GNAQ: variants seen among roughly 807,000 people sequenced by gnomAD.
The protein encoded by GNAQ is guanine nucleotide-binding protein G(q) subunit alpha.
Under a neutral mutation model 43.9 loss-of-function variants are expected in GNAQ, and 8 were observed. That is an observed-to-expected ratio of 0.18 (90% CI 0.11 to 0.33). The LOEUF (loss-of-function observed/expected upper bound fraction) is 0.33, where lower values mean the gene tolerates loss of function less well. Ranked by LOEUF, GNAQ falls within the 10% of genes least tolerant of loss-of-function variation. The pLI, the probability that GNAQ is intolerant of heterozygous loss-of-function variation, is 1.00. For missense variants in GNAQ, 158 were observed against 450.8 expected (o/e 0.35, Z 5.88); for synonymous variants, 155 against 170.7 (o/e 0.91, Z 0.71).
chr9:77,891,234 T>C (rs1828400019), intron 2 of GNAQ, among the ~76,000 whole-genome samples: 1 of 152,210 alleles, frequency 6.6e-6, no homozygotes, highest in Admixed American at 6.5e-5. Context: ...ATTCTTTTTC[T>C]TGCCTATTCT....
intron 2 of GNAQ, among the ~76,000 whole-genome samples, chr9:77,830,566 G>A (rs559316177): frequency 1.3e-5 from 2 of 152,182 alleles, no homozygotes; most frequent in Admixed American, 6.5e-5. Flanking sequence ...TTAAAAACAC[G>A]TTTTTCTTTT....
intron 3 of GNAQ, among the ~76,000 whole-genome samples, chr9:77,807,338 C>T (rs1191371949): frequency 1.3e-5 from 2 of 152,188 alleles, no homozygotes; most frequent in African/African-American, 4.8e-5. Flanking sequence ...TTACAAAAGA[C>T]TGTCACTCCT....
chr9:77,929,422 A>C (rs1829115553), intron 1 of GNAQ, among the ~76,000 whole-genome samples: 1 of 152,230 alleles, frequency 6.6e-6, no homozygotes, highest in Admixed American at 6.5e-5. Context: ...TCTATTAATA[A>C]AACTTACAAA....
intron 2 of GNAQ, among the ~76,000 whole-genome samples, chr9:77,825,949 A>G (rs1237453332): frequency 6.6e-6 from 1 of 152,100 alleles, no homozygotes. Context: ...AAAATTTTAT[A>G]AAGGGGTCAA....
chr9:77,873,923 C>T (rs544530244), intron 2 of GNAQ, among the ~76,000 whole-genome samples: 6 of 151,938 alleles, frequency 3.9e-5, no homozygotes, highest in Admixed American at 2.6e-4. Flanking sequence ...CTGGCCAACA[C>T]GGAGAAATCC....
intron 1 of GNAQ, among the ~76,000 whole-genome samples, chr9:77,925,362 C>T (rs1357345837): frequency 6.6e-6 from 1 of 152,192 alleles, no homozygotes; most frequent in Non-Finnish European, 1.5e-5. Flanking sequence ...TCATGACACA[C>T]TTCTGGAAGC....
At chr9:78,017,420 A>T (rs1036842279) in intron 1 of GNAQ, among the ~76,000 whole-genome samples, 4 of 152,226 alleles carry the variant, frequency 2.6e-5, no homozygotes, top group Non-Finnish European at 4.4e-5. Context: ...ATGGCAAGAC[A>T]TCCTACATAT....
At position 77,986,727 on chromosome 9, in the gene GNAQ, G is replaced by A. The variant is rs189322408; in HGVS notation, c.136+44373C>T. 1.3e-4 allele frequency among the ~76,000 whole-genome samples: 20 copies of A among 150,354 alleles called. No homozygotes were observed. In the East Asian group the frequency reaches 2.9e-3, roughly 22 times the overall value. The stretch of plus-strand genomic sequence containing the variant: ...TCACTATGTTGCCCAAGCTAGTCTC[G>A]AACTCCTGGGCTCAATCTTCTCACC... On this transcript the variant is annotated intron_variant, in intron 1 of 6. Coordinates refer to ENST00000286548, the MANE Select transcript of GNAQ (RefSeq NM_002072.5).
intron 3 of GNAQ, among the ~76,000 whole-genome samples, chr9:77,807,177 G>A (rs1826842160): frequency 1.3e-5 from 2 of 152,176 alleles, no homozygotes. Flanking sequence ...AAGAATACCA[G>A]AGTCAGCAAG....
intron 5 of GNAQ, among the ~76,000 whole-genome samples, chr9:77,768,432 C>T (rs981441972): frequency 2.6e-5 from 4 of 152,194 alleles, no homozygotes; most frequent in Non-Finnish European, 1.5e-5. Flanking sequence ...ATATTCAACT[C>T]AGAGACAGGA....
At chr9:77,949,384 G>C (rs1341362901) in intron 1 of GNAQ, among the ~76,000 whole-genome samples, 4 of 152,180 alleles carry the variant, frequency 2.6e-5, no homozygotes, top group Admixed American at 2.6e-4. Flanking sequence ...TTCCACAATG[G>C]GAACCAAAGC....
At chr9:77,892,308 C>T (rs893154901) in intron 2 of GNAQ, among the ~76,000 whole-genome samples, 5 of 152,192 alleles carry the variant, frequency 3.3e-5, no homozygotes, top group African/African-American at 9.6e-5. Flanking sequence ...TTCACAAGTA[C>T]CTTCTATCAC....
chr9:78,029,371 TTA>T (rs1385066470), intron 1 of GNAQ, among the ~76,000 whole-genome samples: 3 of 78,300 alleles, frequency 3.8e-5, no homozygotes, highest in Non-Finnish European at 8.4e-5. Flanking sequence ...TAAAACACTC[TTA>T]TTTCTTTTGT....
chr9:78,020,175 G>C (rs773435553), intron 1 of GNAQ, among the ~76,000 whole-genome samples: 1 of 152,084 alleles, frequency 6.6e-6, no homozygotes, highest in African/African-American at 2.4e-5. Flanking sequence ...GTGGGAAACT[G>C]AGAGCCATTT....
chr9:77,985,270 G>C (rs950513656), intron 1 of GNAQ, among the ~76,000 whole-genome samples: 1 of 152,250 alleles, frequency 6.6e-6, no homozygotes, highest in Non-Finnish European at 1.5e-5. Flanking sequence ...CTGAGATCTC[G>C]CCACTGCACT....
intron 1 of GNAQ, among the ~76,000 whole-genome samples, chr9:77,977,674 G>A (rs1458455595): frequency 6.6e-6 from 1 of 152,222 alleles, no homozygotes; most frequent in Non-Finnish European, 1.5e-5. Context: ...CAACCCTGGA[G>A]CATTAGCCAG....
chr9:77,781,284 G>A (rs1826389108), intron 5 of GNAQ, among the ~76,000 whole-genome samples: 1 of 150,808 alleles, frequency 6.6e-6, no homozygotes, highest in Non-Finnish European at 1.5e-5. Flanking sequence ...GGGACGTGGG[G>A]GTCTAGTTTC....
intron 1 of GNAQ, among the ~76,000 whole-genome samples, chr9:77,970,452 T>C (rs565429159): frequency 9.2e-5 from 14 of 152,288 alleles, no homozygotes; most frequent in Admixed American, 3.9e-4. Context: ...AAAGGCAGTA[T>C]GGTGGGCTAT....
At chr9:77,759,409 T>A (rs1825953960) in intron 5 of GNAQ, among the ~76,000 whole-genome samples, 1 of 89,808 alleles carries the variant, frequency 1.1e-5, no homozygotes, top group Middle Eastern at 6.6e-3. Flanking sequence ...TGACTTTTCA[T>A]AAGGCATTTT....
Sources: allele counts gnomAD v4.1 joint callset (sites outside exome capture counted in the v4.1 genomes callset), GRCh38; gene constraint gnomAD v4.1.1; transcripts MANE v1.5; gene names NCBI Gene and HGNC (gene_info 2026-07-23, HGNC 2026-07-21).